The following GMNN variants were observed in gnomAD, a reference collection of about 807,000 sequenced individuals.
GMNN encodes geminin DNA replication inhibitor, also known as geminin.
GMNN carries 14 observed loss-of-function variants against 20.9 expected under a neutral mutation model. That is an observed-to-expected ratio of 0.67 (90% CI 0.44 to 1.05). The LOEUF (loss-of-function observed/expected upper bound fraction) is 1.05, where lower values mean the gene tolerates loss of function less well. Among genes scored for constraint, GMNN ranks in the 50% least tolerant of loss-of-function variants. GMNN has a pLI of 0.00. For synonymous variants in GMNN, 81 were observed against 85.8 expected (o/e 0.94, Z 0.31); for missense variants, 227 against 243.8 (o/e 0.93, Z 0.46).
chr6:24,780,309 C>A (rs373893383), intron 2 of GMNN, among the ~76,000 whole-genome samples: 3 of 152,070 alleles, frequency 2.0e-5, no homozygotes, highest in Admixed American at 6.6e-5. Context: ...AATTTTGTTA[C>A]GTTTGTTTTA....
chr6:24,779,605 G>A (rs1780153000), intron 2 of GMNN, among the ~76,000 whole-genome samples: 1 of 152,174 alleles, frequency 6.6e-6, no homozygotes, highest in African/African-American at 2.4e-5. Flanking sequence ...CTTTACCGTG[G>A]GAAAGGTGAA....
chr6:24,783,935 GAAT>G lies in GMNN; in HGVS notation c.275-147_275-145del, dbSNP rs1381992798. On this transcript the variant is annotated intron_variant, in intron 4 of 6. Coordinates refer to ENST00000230056, the MANE Select transcript of GMNN (RefSeq NM_015895.5). ...AATCTTGGAAATGTTGGGGAAAATA[GAAT>G]AATATTGATTTTATTTTTTAACTTT... 8 of 406,646 alleles carry G rather than the reference GAAT, an allele frequency of 2.0e-5. No homozygotes were observed. In the South Asian group the frequency reaches 2.9e-4, roughly 15 times the overall value. The allele number at this position is 406,646 out of a possible 1,614,324, so 25.2% of individuals were successfully genotyped here.
chr6:24,780,863 A>C, intron 3 of GMNN, 123 bp downstream of exon 3: 1 of 625,560 alleles, frequency 1.6e-6, no homozygotes, highest in Non-Finnish European at 2.9e-6. Context: ...TGGGAATCAC[A>C]ATTATATATT....
At position 24,784,433 on chromosome 6, in the gene GMNN, A is replaced by T. The variant is rs2307304; in HGVS notation, c.358-11A>T. On this transcript the variant is annotated splice_polypyrimidine_tract_variant and intron_variant, in intron 5 of 6. Coordinates refer to ENST00000230056, the MANE Select transcript of GMNN (RefSeq NM_015895.5). ...ATCTATGGAATACTGAACTTTATTT[A>T]TGTAATACAGCTTCATAAAGAAATT... 1,034 of 1,255,178 alleles carry T rather than the reference A, an allele frequency of 8.2e-4. 13 individuals carry two copies. The Admixed American group carries it at 0.012, about 15-fold the overall frequency. 77.8% of individuals were successfully genotyped at this position (1,255,178 alleles called of 1,614,324 possible). A position where few individuals can be genotyped will look rare whatever the true frequency, so the allele number is the denominator to read the frequency against.
Position 24,780,678 on chromosome 6 carries a change from A to G in GMNN, c.67A>G (p.Arg23Gly), listed in dbSNP as rs761808451. The change falls in exon 3 of 7, where the codon AGA becomes GGA. Residue 23 changes from arginine to glycine, a missense_variant. Arg to Gly is a moderately radical substitution (Grantham distance 125, BLOSUM62 -2). Coordinates refer to ENST00000230056, the MANE Select transcript of GMNN (RefSeq NM_015895.5). ...GACTTTTTAGAATAGTTCTGTCCCA[A>G]GAAGAACTCTGAAGATGATTCAGCC... ...KENIKNSSVP[R>G]RTLKMIQPSA... The G allele has an allele frequency of 1.3e-6, 2 of 1,586,082 alleles. No homozygotes were observed. The highest frequency in any genetic ancestry group is 1.7e-6 in the Non-Finnish European group (2 of 1,154,712).
chr6:24,783,730 A>C (rs1396145086), intron 4 of GMNN, among the ~76,000 whole-genome samples: 1 of 152,120 alleles, frequency 6.6e-6, no homozygotes, highest in Admixed American at 6.5e-5. Context: ...GAATCTAATC[A>C]TGGAGACAGA....
At chr6:24,776,347 C>T (rs767481830) in intron 1 of GMNN, among the ~76,000 whole-genome samples, 9 of 152,154 alleles carry the variant, frequency 5.9e-5, no homozygotes, top group Non-Finnish European at 8.8e-5. Flanking sequence ...ATCCGCTTGC[C>T]TCGACCTTCC....
At chr6:24,783,257 A>G (rs1161027146) in intron 4 of GMNN, among the ~76,000 whole-genome samples, 3 of 152,192 alleles carry the variant, frequency 2.0e-5, no homozygotes, top group Admixed American at 6.5e-5. Context: ...ATGGATTATA[A>G]TACATTGAAT....
rs2754775 is a variant in GMNN, at chr6:24,774,953, G to T, written c.-317G>T. The T allele has an allele frequency of 0.15, 23,301 of 152,322 alleles. 2,010 individuals are homozygous for T. The highest frequency in any genetic ancestry group is 0.25 in the South Asian group (1,227 of 4,828). 9.4% of individuals were successfully genotyped at this position (152,322 alleles called of 1,614,324 possible). On this transcript the variant is annotated 5_prime_UTR_variant, in exon 1 of 7. Transcript: ENST00000230056. ...CTCGTCTGCGTCAGTTGGTCACGTGGTTGTTCGGAGCGGGCGAGCGGAGTT... is the reference window on the plus strand; with the variant it reads ...CTCGTCTGCGTCAGTTGGTCACGTGTTTGTTCGGAGCGGGCGAGCGGAGTT...
chr6:24,783,930 AAATAG>A (rs1362470204), intron 4 of GMNN, among the ~76,000 whole-genome samples, 152 bp from the exon 5 acceptor site: 4 of 152,072 alleles, frequency 2.6e-5, no homozygotes, highest in Admixed American at 2.0e-4. Flanking sequence ...ATGTTGGGGA[AAATAG>A]AATAATATTG....
chr6:24,784,520 C>T lies in GMNN; in HGVS notation c.434C>T (p.Ala145Val). The change falls in exon 6 of 7, where the codon GCA (alanine) becomes GTA (valine). Residue 145 changes from alanine to valine, a missense_variant. Physicochemically the swap from Ala to Val is moderately conservative, Grantham distance 64 (BLOSUM62 0). Transcript: ENST00000230056. ...GAGAATAAAGAACTGGCAGAAGTAG[C>T]AGAACATGTACAGTATATGGCAGAG... ...KKENKELAEV[A>V]EHVQYMAELI... The T allele has an allele frequency of 6.5e-7, 1 of 1,548,138 alleles. No homozygotes were observed. The highest frequency in any genetic ancestry group is 8.9e-7 in the Non-Finnish European group (1 of 1,120,224).
chr6:24,781,336 A>G, intron 3 of GMNN, 141 bp from the exon 4 acceptor site: 1 of 450,086 alleles, frequency 2.2e-6, no homozygotes, highest in South Asian at 5.6e-5. Context: ...TAGAATTTTT[A>G]ATTGTATAAC....
chr6:24,780,806 A>G (rs970319299), intron 3 of GMNN, 66 bp downstream of exon 3: 27 of 788,930 alleles, frequency 3.4e-5, no homozygotes, highest in African/African-American at 2.4e-4. Flanking sequence ...CATTTCTACT[A>G]TTTTCTTGGT....
At chr6:24,776,282 G>C (rs1780067380) in intron 1 of GMNN, among the ~76,000 whole-genome samples, 1 of 152,020 alleles carries the variant, frequency 6.6e-6, no homozygotes, top group Non-Finnish European at 1.5e-5. Context: ...ATTTTTGGTA[G>C]AGATGGAGTT....
Position 24,780,655 on chromosome 6 carries a change from C to G in GMNN, c.52-8C>G, listed in dbSNP as rs1473099686. On this transcript the variant is annotated splice_polypyrimidine_tract_variant and splice_region_variant and intron_variant, in intron 2 of 6. Coordinates refer to ENST00000230056, the MANE Select transcript of GMNN (RefSeq NM_015895.5). ...GTAACAAGATAATGAATTATGCTGA[C>G]TTTTTAGAATAGTTCTGTCCCAAGA... The G allele has an allele frequency of 6.6e-7, 1 of 1,517,712 alleles. No homozygotes were observed. The highest frequency in any genetic ancestry group is 2.3e-5 in the East Asian group (1 of 44,128). The allele number at this position is 1,517,712 out of a possible 1,614,324, so 94.0% of individuals were successfully genotyped here. A position where few individuals can be genotyped will look rare whatever the true frequency, so the allele number is the denominator to read the frequency against.
chr6:24,780,860 C>T (rs1780194296), intron 3 of GMNN, 120 bp downstream of exon 3: 3 of 637,328 alleles, frequency 4.7e-6, no homozygotes, highest in Non-Finnish European at 8.6e-6. Context: ...ATTTGGGAAT[C>T]ACAATTATAT....
chr6:24,782,782 G>C (rs762356151), intron 4 of GMNN, among the ~76,000 whole-genome samples: 5 of 151,666 alleles, frequency 3.3e-5, no homozygotes, highest in Non-Finnish European at 7.4e-5. Flanking sequence ...AACCCTCTGC[G>C]ATACATGGTA....
At chr6:24,783,231 A>G (rs550316790) in intron 4 of GMNN, among the ~76,000 whole-genome samples, 1 of 152,354 alleles carries the variant, frequency 6.6e-6, no homozygotes, top group South Asian at 2.1e-4. Context: ...GAGCATCAAA[A>G]TGAATAACGT....
At position 24,784,150 on chromosome 6, in the gene GMNN, C is replaced by A; in HGVS notation, c.338C>A (p.Ala113Glu). Residue 113 changes from alanine (A) to glutamate (E), a missense_variant, in exon 5 of 7, where the codon GCA (alanine) becomes GAA (glutamate). Coordinates refer to ENST00000230056, the MANE Select transcript of GMNN (RefSeq NM_015895.5). Reference protein sequence around the residue: ...AEKRRKALYEALKENEKLHKE... With the variant: ...AEKRRKALYEELKENEKLHKE... ...AAACGGAGAAAGGCGCTGTATGAAG[C>A]ACTTAAGGAAAATGAGAAAGTATGT... 6.6e-7 allele frequency: 1 copy of A among 1,510,572 alleles called. No homozygotes were observed. The highest frequency in any genetic ancestry group is 9.2e-7 in the Non-Finnish European group (1 of 1,087,696). The allele number at this position is 1,510,572 out of a possible 1,614,324, so 93.6% of individuals were successfully genotyped here. A position where few individuals can be genotyped will look rare whatever the true frequency, so the allele number is the denominator to read the frequency against.
Sources: gnomAD v4.1 joint callset for allele counts (sites outside exome capture counted in the v4.1 genomes callset) on GRCh38, gnomAD v4.1.1 for gene constraint, MANE v1.5 for transcripts, NCBI Gene and HGNC (gene_info 2026-07-23, HGNC 2026-07-21) for gene names.